The following TM9SF4 variants were observed in gnomAD, a reference collection of about 807,000 sequenced individuals.
TM9SF4 encodes the protein dinucleotide oxidase disulfide thiol exchanger 3 superfamily member 4.
Under a neutral mutation model 90.4 loss-of-function variants are expected in TM9SF4, and 26 were observed. The observed-to-expected ratio is 0.29, with a 90% CI of 0.21 to 0.40. The LOEUF is 0.40. TM9SF4 is among the 10% of genes least tolerant of loss of function. The pLI is 1.00. For synonymous variants in TM9SF4, 293 were observed against 315.4 expected, an observed-to-expected ratio of 0.93 and a Z score of 0.75; for missense variants, 549 against 834.8, an observed-to-expected ratio of 0.66 and a Z score of 4.22.
At chr20:32,136,046 A>C in intron 2 of TM9SF4, 28 bp from the exon 3 acceptor site, 1 of 1,604,914 alleles carries the variant, frequency 6.2e-7, no homozygotes, top group Non-Finnish European at 8.5e-7. Flanking sequence ...ATTATTGGTC[A>C]TCTTGGTTTC....
chr20:32,155,473 T>G (rs1313951067), intron 13 of TM9SF4, among the ~76,000 whole-genome samples: 3 of 152,228 alleles, frequency 2.0e-5, no homozygotes, highest in Non-Finnish European at 4.4e-5. Context: ...GGAATTTCCC[T>G]TTGTCTTAAC....
At chr20:32,138,564 G>A (rs2046626663) in intron 3 of TM9SF4, among the ~76,000 whole-genome samples, 1 of 152,276 alleles carries the variant, frequency 6.6e-6, no homozygotes, top group Non-Finnish European at 1.5e-5. Context: ...GGCTAAGGCA[G>A]GAGGATCGCT....
At chr20:32,126,068 AAC>A (rs71185382) in intron 1 of TM9SF4, among the ~76,000 whole-genome samples, 2,342 of 138,534 alleles carry the variant, frequency 0.017, 33 homozygotes, top group Admixed American at 0.037. Flanking sequence ...CTTTCCCGTA[AAC>A]ACACACACAC....
chr20:32,159,037 G>A (rs2046975103), intron 15 of TM9SF4: 1 of 152,516 alleles, frequency 6.6e-6, no homozygotes, highest in Admixed American at 6.5e-5. Flanking sequence ...CCTGGTGTGT[G>A]GAAAGGGGGA....
At chr20:32,156,971 ACT>A in intron 13 of TM9SF4, among the ~76,000 whole-genome samples, 1 of 111,426 alleles carries the variant, frequency 9.0e-6, no homozygotes, top group East Asian at 2.5e-4. Context: ...ACGAAGTCTC[ACT>A]CTCTCACTCT....
intron 9 of TM9SF4, 85 bp from the exon 10 acceptor site, chr20:32,149,549 G>C: frequency 6.3e-7 from 1 of 1,583,718 alleles, no homozygotes; most frequent in South Asian, 1.1e-5. Flanking sequence ...GGCACCTGAG[G>C]GTGTCAGCTG....
At chr20:32,132,971 ACTT>A (rs1400418760) in intron 1 of TM9SF4, 39 bp from the exon 2 acceptor site, 13 of 1,575,264 alleles carry the variant, frequency 8.3e-6, no homozygotes, top group Admixed American at 5.1e-5. Flanking sequence ...GATCTTCTTC[ACTT>A]CTTCTCCCCA....
rs1485018913 is a variant in TM9SF4 at position 32,149,748 on chromosome 20, A to G, written c.1069A>G (p.Met357Val). ...LLGSGIQLFC[M>V]ILIVIFVAML... is the part of the protein sequence containing the mutation. ...GGGCTCAGGCATTCAGCTGTTCTGT[A>G]TGATCCTCATCGTCATCTGTGAGTG... The change falls in exon 10 of 18, where the codon ATG (methionine) becomes GTG (valine). Residue 357 changes from methionine (M) to valine (V), a missense_variant. Met to Val is a conservative substitution (Grantham distance 21). Coordinates refer to ENST00000398022, the MANE Select transcript of TM9SF4 (RefSeq NM_014742.4). 24 of 1,614,048 alleles carry G rather than the reference A, an allele frequency of 1.5e-5. No homozygotes were observed. The highest frequency in any genetic ancestry group is 1.9e-5 in the Non-Finnish European group (23 of 1,180,024).
chr20:32,155,217 C>A, intron 13 of TM9SF4, 31 bp downstream of exon 13: 1 of 1,577,604 alleles, frequency 6.3e-7, no homozygotes, highest in Non-Finnish European at 8.7e-7. Flanking sequence ...TCCAGCCCCT[C>A]CCCAGCAAGC....
chr20:32,144,545 C>A (rs2046732073), intron 6 of TM9SF4, among the ~76,000 whole-genome samples: 1 of 152,186 alleles, frequency 6.6e-6, no homozygotes, highest in Admixed American at 6.5e-5. Flanking sequence ...CCCCTCCCTT[C>A]CCCCATGCAC....
At chr20:32,118,190 A>AT (rs2046254233) in intron 1 of TM9SF4, among the ~76,000 whole-genome samples, 1 of 152,020 alleles carries the variant, frequency 6.6e-6, no homozygotes, top group Admixed American at 6.6e-5. Flanking sequence ...GTATTGGAAT[A>AT]TTTTTTCCGA....
At chr20:32,128,750 C>A (rs2046461055) in intron 1 of TM9SF4, among the ~76,000 whole-genome samples, 1 of 150,634 alleles carries the variant, frequency 6.6e-6, no homozygotes, top group African/African-American at 2.5e-5. Context: ...CTGCAAAAGA[C>A]ATGATTTTAT....
chr20:32,157,812 G>T lies in TM9SF4; in HGVS notation c.1348G>T (p.Val450Leu). ...TCTACAGGTGCCCTTTCCCACCATG[G>T]TGGCTCTGCTGTGCATGTGGTTCGG... is the stretch of plus-strand genomic sequence containing the variant. ...SSGAVPFPTM[V>L]ALLCMWFGIS... is the part of the protein sequence containing the mutation. Residue 450 changes from valine (V) to leucine (L), a missense_variant, in exon 14 of 18, where the codon GTG becomes TTG. Around this residue, in one of 2 missense-constraint regions of TM9SF4, gnomAD observed 495 missense variants for 711.7 expected, o/e 0.70. Transcript: ENST00000398022. 6.2e-7 allele frequency: 1 copy of T among 1,614,172 alleles called. No individual in the cohort carries two copies. Among genetic ancestry groups the T allele is most frequent in the Non-Finnish European group, 8.5e-7 (1 of 1,180,016 alleles).
At chr20:32,153,462 G>A (rs564825218) in intron 12 of TM9SF4, among the ~76,000 whole-genome samples, 1 of 152,324 alleles carries the variant, frequency 6.6e-6, no homozygotes, top group East Asian at 1.9e-4. Flanking sequence ...TGGCAAGAAG[G>A]TTCATGCCGG....
chr20:32,136,652 G>A (rs979496745), intron 3 of TM9SF4, among the ~76,000 whole-genome samples: 1 of 152,200 alleles, frequency 6.6e-6, no homozygotes, highest in Non-Finnish European at 1.5e-5. Flanking sequence ...AATAATGTGT[G>A]AGGCACCCAG....
chr20:32,141,448 G>C (rs2046676717), intron 3 of TM9SF4, 49 bp from the exon 4 acceptor site: 3 of 1,601,286 alleles, frequency 1.9e-6, no homozygotes, highest in Non-Finnish European at 2.6e-6. Flanking sequence ...GCTGACCTCA[G>C]CAACCTCAGG....
chr20:32,151,808 A>C (rs1053667934), intron 12 of TM9SF4, among the ~76,000 whole-genome samples: 1 of 151,196 alleles, frequency 6.6e-6, no homozygotes, highest in Non-Finnish European at 1.5e-5. Context: ...CAGCCTCCCG[A>C]GTAGCTGGGA....
intron 5 of TM9SF4, among the ~76,000 whole-genome samples, 160 bp downstream of exon 5, chr20:32,142,055 G>C (rs2046689600): frequency 6.6e-6 from 1 of 152,118 alleles, no homozygotes; most frequent in South Asian, 2.1e-4. Context: ...GCAAGTCCCT[G>C]GGAGGTGCTA....
chr20:32,148,663 CT>C (rs1234035990), intron 9 of TM9SF4, among the ~76,000 whole-genome samples: 9,194 of 120,072 alleles, frequency 0.077, 798 homozygotes, highest in African/African-American at 0.25. Context: ...AATATTACAG[CT>C]TTTTTTTTTT....
Sources: gnomAD v4.1 joint callset for allele counts (sites outside exome capture counted in the v4.1 genomes callset) on GRCh38, gnomAD v4.1.1 for gene constraint, gnomAD v4.1.1 regional missense constraint, MANE v1.5 for transcripts, NCBI Gene and HGNC (gene_info 2026-07-23, HGNC 2026-07-21) for gene names.